The following TMEM126A variants were observed in gnomAD, a reference collection of about 807,000 sequenced individuals.
TMEM126A encodes transmembrane protein 126A.
TMEM126A carries 10 observed loss-of-function variants against 18.3 expected under a neutral mutation model. The observed-to-expected ratio is 0.55, with a 90% CI of 0.34 to 0.93. TMEM126A has a LOEUF of 0.93. Among genes scored for constraint, TMEM126A ranks in the 40% least tolerant of loss-of-function variants. TMEM126A has a pLI of 0.02. For synonymous variants in TMEM126A, 68 were observed against 78.1 expected, an observed-to-expected ratio of 0.87 and a Z score of 0.68; for missense variants, 246 against 230.2, an observed-to-expected ratio of 1.07 and a Z score of -0.44.
chr11:85,652,672 C>T (rs11600919), intron 2 of TMEM126A, among the ~76,000 whole-genome samples: 42,727 of 151,838 alleles, frequency 0.28, 6,602 homozygotes, highest in African/African-American at 0.39. Flanking sequence ...ACATTTTGAC[C>T]TTAGCTATGG....
intron 2 of TMEM126A, among the ~76,000 whole-genome samples, chr11:85,652,239 A>G (rs957632392): frequency 2.6e-5 from 4 of 152,230 alleles, no homozygotes; most frequent in Admixed American, 1.3e-4. Flanking sequence ...TAGAAAGAAT[A>G]CCTGGAACTG....
At chr11:85,654,299 A>T (rs529891145) in intron 3 of TMEM126A, 43 bp downstream of exon 3, 1 of 1,584,924 alleles carries the variant, frequency 6.3e-7, no homozygotes, top group African/African-American at 1.3e-5. Flanking sequence ...GCCTTAGTAT[A>T]TGTTATTTGC....
intron 2 of TMEM126A, among the ~76,000 whole-genome samples, chr11:85,651,189 A>C (rs968883485): frequency 6.6e-6 from 1 of 152,206 alleles, no homozygotes; most frequent in Non-Finnish European, 1.5e-5. Flanking sequence ...TTGACAGTCA[A>C]GAAGGTCTCT....
chr11:85,654,259 A>C lies in TMEM126A; in HGVS notation c.280+3A>C, dbSNP rs1168136182. 1.9e-6 allele frequency: 3 copies of C among 1,613,686 alleles called. No individual in the cohort carries two copies. In the African/African-American group the frequency reaches 4.0e-5, roughly 22 times the overall value. On this transcript the variant is annotated splice_donor_region_variant and intron_variant, in intron 3 of 4. Transcript: ENST00000304511. ...TGTAAGTTTTCCTTTGAATACAGGT[A>C]AATTCTACTTCACTATCACCAAAGA...
intron 3 of TMEM126A, 26 bp downstream of exon 3, chr11:85,654,282 A>T (rs777049279): frequency 1.2e-6 from 2 of 1,609,964 alleles, no homozygotes; most frequent in Non-Finnish European, 1.7e-6. Flanking sequence ...CTATCACCAA[A>T]GAGTTTGCCT....
intron 3 of TMEM126A, 159 bp from the exon 4 acceptor site, chr11:85,655,435 C>T (rs1358294397): frequency 1.6e-6 from 1 of 608,854 alleles, no homozygotes; most frequent in Admixed American, 2.9e-5. Flanking sequence ...TTTTAAGTTA[C>T]TCATAGATGT....
chr11:85,651,656 AG>A (rs2082500788), intron 2 of TMEM126A, among the ~76,000 whole-genome samples: 1 of 152,124 alleles, frequency 6.6e-6, no homozygotes, highest in Non-Finnish European at 1.5e-5. Context: ...CAAGACCAGT[AG>A]TGTTCAGAAC....
intron 2 of TMEM126A, among the ~76,000 whole-genome samples, chr11:85,652,972 T>A (rs2082512060): frequency 6.6e-6 from 1 of 152,138 alleles, no homozygotes; most frequent in African/African-American, 2.4e-5. Context: ...TTTTCACATT[T>A]ACATGGTTTT....
intron 1 of TMEM126A, among the ~76,000 whole-genome samples, chr11:85,649,789 C>A (rs1212933257): frequency 6.6e-6 from 1 of 152,174 alleles, no homozygotes; most frequent in African/African-American, 2.4e-5. Flanking sequence ...ATTTAACTTT[C>A]CTTTTTGTGA....
At chr11:85,655,490 T>TA (rs1313143331) in intron 3 of TMEM126A, 104 bp from the exon 4 acceptor site, 2 of 848,730 alleles carry the variant, frequency 2.4e-6, no homozygotes, top group Non-Finnish European at 4.1e-6. Context: ...TTTGATATAT[T>TA]ACCTGAAAAA....
Position 85,655,727 on chromosome 11 carries a change from T to C in TMEM126A, c.395+19T>C. 2 of 1,545,240 alleles carry C rather than the reference T, an allele frequency of 1.3e-6. No homozygotes were observed. Among genetic ancestry groups the C allele is most frequent in the Non-Finnish European group, 1.8e-6 (2 of 1,117,714 alleles). On this transcript the variant is annotated intron_variant, in intron 4 of 4. Transcript: ENST00000304511. The stretch of plus-strand genomic sequence containing the variant: ...CAGCCAGGTAGGAAATAAAAAACTT[T>C]TTATAATATGTGATTACCTATAAAA...
intron 3 of TMEM126A, among the ~76,000 whole-genome samples, chr11:85,654,563 T>A (rs1267152705): frequency 6.6e-6 from 1 of 152,160 alleles, no homozygotes; most frequent in East Asian, 1.9e-4. Flanking sequence ...GCAATTCTCC[T>A]GCCTCAGCCT....
At chr11:85,654,278 C>T (rs1157427591) in intron 3 of TMEM126A, 22 bp downstream of exon 3, 2 of 1,610,572 alleles carry the variant, frequency 1.2e-6, no homozygotes, top group South Asian at 2.2e-5. Flanking sequence ...TTCACTATCA[C>T]CAAAGAGTTT....
intron 2 of TMEM126A, among the ~76,000 whole-genome samples, chr11:85,651,069 CAAAAA>C (rs3068382): frequency 7.5e-5 from 6 of 79,868 alleles, no homozygotes; most frequent in Admixed American, 1.7e-4. Context: ...GGATCCGTCT[CAAAAA>C]AAAAAAAAAA....
chr11:85,650,424 G>A (rs2082490523), intron 2 of TMEM126A, 83 bp downstream of exon 2: 1 of 1,044,724 alleles, frequency 9.6e-7, no homozygotes. Flanking sequence ...TATCTGGTTT[G>A]AGTATAAACA....
At chr11:85,655,385 CTTT>C in intron 3 of TMEM126A, 2 of 498,326 alleles carry the variant, frequency 4.0e-6, no homozygotes, top group African/African-American at 2.0e-5. Flanking sequence ...AATTAGAGAA[CTTT>C]TTTTCCTAAA....
chr11:85,650,495 T>G (rs2082491242), intron 2 of TMEM126A, among the ~76,000 whole-genome samples, 154 bp downstream of exon 2: 1 of 152,246 alleles, frequency 6.6e-6, no homozygotes, highest in African/African-American at 2.4e-5. Context: ...TTAACCATTT[T>G]GCTCAACATC....
At chr11:85,656,268 A>C in intron 4 of TMEM126A, 41 bp from the exon 5 acceptor site, 1 of 1,580,386 alleles carries the variant, frequency 6.3e-7, no homozygotes, top group Non-Finnish European at 8.7e-7. Context: ...CATTTGATGC[A>C]ACAATCTTTT....
chr11:85,653,852 A>G (rs2082517908), intron 2 of TMEM126A, among the ~76,000 whole-genome samples: 1 of 152,182 alleles, frequency 6.6e-6, no homozygotes, highest in Non-Finnish European at 1.5e-5. Context: ...TTAAGTATTA[A>G]TTATTATGGG....
Sources: gnomAD v4.1 joint callset for allele counts (sites outside exome capture counted in the v4.1 genomes callset) on GRCh38, gnomAD v4.1.1 for gene constraint, MANE v1.5 for transcripts, NCBI Gene and HGNC (gene_info 2026-07-23, HGNC 2026-07-21) for gene names.